The following IGSF9B variants were observed in gnomAD, a reference collection of about 807,000 sequenced individuals.
The protein encoded by IGSF9B is immunoglobulin superfamily member 9B, also known as protein turtle homolog B.
IGSF9B carries 48 observed loss-of-function variants against 143.7 expected under a neutral mutation model. The ratio of observed to expected loss-of-function variants is 0.33; its 90% CI spans 0.26 to 0.42. The LOEUF (loss-of-function observed/expected upper bound fraction) is 0.42. IGSF9B is among the 20% of genes least tolerant of loss of function. The probability of loss-of-function intolerance (pLI) is 1.00; values close to 1 mark genes in which losing one functional copy is unlikely to be tolerated. For synonymous variants in IGSF9B, 903 were observed against 833.1 expected (o/e 1.08, Z -1.44); for missense variants, 1,706 against 1,980.0 (o/e 0.86, Z 2.63).
At chr11:133,936,306 G>T in intron 5 of IGSF9B, 112 bp from the exon 6 acceptor site, 1 of 910,244 alleles carries the variant, frequency 1.1e-6, no homozygotes, top group Non-Finnish European at 1.7e-6. Context: ...ACACTGCGAT[G>T]GGGGCGGCTG....
At chr11:133,912,236 C>A in intron 18 of IGSF9B, 1 of 673,322 alleles carries the variant, frequency 1.5e-6, no homozygotes. Context: ...GGAAACCAAC[C>A]TGCAGAGCAA....
intron 7 of IGSF9B, among the ~76,000 whole-genome samples, chr11:133,933,166 C>A (rs1939764592): frequency 6.6e-6 from 1 of 152,182 alleles, no homozygotes; most frequent in Admixed American, 6.5e-5. Flanking sequence ...CTCAGTGCCC[C>A]TGTCATGCTT....
At position 133,931,355 on chromosome 11, in the gene IGSF9B, GC is replaced by G; in HGVS notation, c.1368+97del. On this transcript the variant is annotated intron_variant, in intron 10 of 19. Coordinates refer to ENST00000533871, the MANE Select transcript of IGSF9B (RefSeq NM_001277285.4). This position sits in a 1 kb window ranked among gnomAD's most constrained non-coding sequence, Gnocchi z 7.7. The stretch of plus-strand genomic sequence containing the variant: ...CGCTGGGCCCTCACACCTCCCCTCA[GC>G]CCCGGGGCTCGCTGGGCCCTCAAAC... 1 of 934,746 alleles carries G rather than the reference GC, an allele frequency of 1.1e-6. No homozygotes were observed. Among genetic ancestry groups the G allele is most frequent in the Non-Finnish European group, 1.6e-6 (1 of 609,418 alleles). The allele number at this position is 934,746 out of a possible 1,614,324, so 57.9% of individuals were successfully genotyped here.
intron 7 of IGSF9B, 130 bp from the exon 8 acceptor site, chr11:133,932,343 G>A: frequency 1.1e-6 from 1 of 936,214 alleles, no homozygotes; most frequent in Non-Finnish European, 1.6e-6. Flanking sequence ...CAGACAGACA[G>A]ACAGACAGAC....
chr11:133,952,322 G>A lies in IGSF9B; in HGVS notation c.64+4369C>T, dbSNP rs1420327898. 3.4e-5 allele frequency: 9 copies of A among 266,910 alleles called. No individual in the cohort carries two copies. The East Asian group carries it at 8.3e-4, about 25-fold the overall frequency. The allele number at this position is 266,910 out of a possible 1,614,324, so 16.5% of individuals were successfully genotyped here. A position where few individuals can be genotyped will look rare whatever the true frequency, so the allele number is the denominator to read the frequency against. ...ACTGAGACACAGCCACACCCTCAGG[G>A]AGACAGAGAGGCCCTGGGCTGGGGC... On this transcript the variant is annotated intron_variant, in intron 1 of 19. Coordinates refer to ENST00000533871, the MANE Select transcript of IGSF9B (RefSeq NM_001277285.4).
At chr11:133,919,328 G>T (rs1332200852) in intron 18 of IGSF9B, among the ~76,000 whole-genome samples, 1 of 152,128 alleles carries the variant, frequency 6.6e-6, no homozygotes, top group Non-Finnish European at 1.5e-5. Context: ...GGCCGGGGAA[G>T]AAAAGGAGGC....
intron 6 of IGSF9B, 50 bp from the exon 7 acceptor site, chr11:133,935,812 G>C: frequency 6.3e-7 from 1 of 1,588,542 alleles, no homozygotes; most frequent in East Asian, 2.2e-5. Flanking sequence ...AGGGGATCTT[G>C]CCGCAGACAC....
chr11:133,930,312 G>C (rs1029546337), intron 11 of IGSF9B, among the ~76,000 whole-genome samples: 9 of 152,174 alleles, frequency 5.9e-5, no homozygotes, highest in African/African-American at 1.4e-4. Flanking sequence ...GGCAACCTCT[G>C]CTTCGAGGAA....
intron 1 of IGSF9B, among the ~76,000 whole-genome samples, chr11:133,952,490 C>T (rs1393174753): frequency 2.0e-5 from 3 of 152,202 alleles, no homozygotes; most frequent in African/African-American, 7.2e-5. Context: ...GTGGCCCCCA[C>T]CTCGTGTCTG....
chr11:133,921,433 TG>T (rs767544923), intron 17 of IGSF9B, 36 bp from the exon 18 acceptor site: 9 of 1,424,256 alleles, frequency 6.3e-6, no homozygotes, highest in Non-Finnish European at 7.4e-6. Flanking sequence ...GGGGATGAGG[TG>T]GGGCAGTGTG....
intron 19 of IGSF9B, among the ~76,000 whole-genome samples, chr11:133,910,898 G>C (rs575851593): frequency 2.6e-5 from 4 of 152,136 alleles, no homozygotes; most frequent in Non-Finnish European, 5.9e-5. Context: ...TTGAGCTCCA[G>C]TTTCTAACCC....
intron 3 of IGSF9B, among the ~76,000 whole-genome samples, chr11:133,939,116 C>T (rs1414555393): frequency 6.6e-6 from 1 of 152,220 alleles, no homozygotes; most frequent in Non-Finnish European, 1.5e-5. Flanking sequence ...CCTCCCAGCG[C>T]ACTCCAACCA....
intron 12 of IGSF9B, 130 bp downstream of exon 12, chr11:133,929,541 T>C: frequency 1.5e-6 from 1 of 651,068 alleles, no homozygotes; most frequent in South Asian, 1.8e-5. Context: ...CACCTCAGTC[T>C]GTGCAGGGCT....
intron 18 of IGSF9B, among the ~76,000 whole-genome samples, chr11:133,914,409 G>C (rs552701977): frequency 6.6e-6 from 1 of 152,314 alleles, no homozygotes; most frequent in African/African-American, 2.4e-5. Flanking sequence ...CTGAGAAATA[G>C]ATCTGCCTTG....
rs1591712598 is a variant in IGSF9B at position 133,921,370 on chromosome 11, C to T, written c.2355G>A (p.Glu785=). The T allele has an allele frequency of 4.5e-6, 7 of 1,543,734 alleles. No individual in the cohort carries two copies. Among genetic ancestry groups the T allele is most frequent in the Non-Finnish European group, 5.2e-6 (6 of 1,145,080 alleles). ...ACGGCGCTCGGAGCGTGCGGATGCT[C>T]TCGGGGCTCACCTTGCCAGAGGACA... ...SPLSSGKVSP[E]SIRTLRAPSE... is the part of the protein sequence containing the mutation. Residue 785 remains glutamate (E), a synonymous_variant, in exon 18 of 20, where the codon GAG becomes GAA. Coordinates refer to ENST00000533871, the MANE Select transcript of IGSF9B (RefSeq NM_001277285.4).
In IGSF9B at chr11:133,920,091, G is replaced by C; in HGVS notation, c.3634C>G (p.Arg1212Gly). Reference sequence around the variant, plus strand: ...GCGGCGAGCTCAGGGGAGCCGGTGCGGGAGCTGAGGGGGCTTTGGGTCAGA... The same window carrying C: ...GCGGCGAGCTCAGGGGAGCCGGTGCCGGAGCTGAGGGGGCTTTGGGTCAGA... ...SPLTQSPLSSRTGSPELAARA... is the reference protein window; with the variant it reads ...SPLTQSPLSSGTGSPELAARA... Residue 1212 changes from arginine to glycine, a missense_variant, in exon 18 of 20, where the codon CGC (arginine) becomes GGC (glycine). Arg to Gly is a moderately radical substitution (Grantham distance 125, BLOSUM62 -2). Transcript: ENST00000533871. The C allele has an allele frequency of 6.6e-7, 1 of 1,522,934 alleles. No homozygotes were observed. Among genetic ancestry groups the C allele is most frequent in the Non-Finnish European group, 8.8e-7 (1 of 1,136,212 alleles). The allele number at this position is 1,522,934 out of a possible 1,614,324, so 94.3% of individuals were successfully genotyped here.
intron 3 of IGSF9B, among the ~76,000 whole-genome samples, chr11:133,938,552 C>G (rs1050530060): frequency 1.3e-5 from 2 of 152,242 alleles, no homozygotes; most frequent in Non-Finnish European, 2.9e-5. Flanking sequence ...GTCAGGTCAT[C>G]TTCCCCCCTG....
rs937008690 is a variant in IGSF9B, at chr11:133,953,494, G to C, written c.64+3197C>G. Among the ~76,000 whole-genome samples the C allele has an allele frequency of 6.6e-6, 1 of 152,166 alleles. No homozygotes were observed. The highest frequency in any genetic ancestry group is 2.4e-5 in the African/African-American group (1 of 41,432). ...TTCTCAGCCGATAGGCTCACCACGG[G>C]GTCTTGATAGCAACCTCTGAGTCCA... On this transcript the variant is annotated intron_variant, in intron 1 of 19. Transcript: ENST00000533871. The surrounding 1 kb of genome is among the most constrained non-coding windows in gnomAD (Gnocchi z 4.2).
At chr11:133,925,160 G>T (rs1320889124) in intron 14 of IGSF9B, among the ~76,000 whole-genome samples, 1 of 152,172 alleles carries the variant, frequency 6.6e-6, no homozygotes, top group Non-Finnish European at 1.5e-5. Context: ...AGGCTCTCCA[G>T]GGCCACTGGG....
Sources: gnomAD v4.1 joint callset for allele counts (sites outside exome capture counted in the v4.1 genomes callset) on GRCh38, gnomAD v4.1.1 for gene constraint, Gnocchi (gnomAD v3.1) non-coding constraint, MANE v1.5 for transcripts, NCBI Gene and HGNC (gene_info 2026-07-23, HGNC 2026-07-21) for gene names.